The following EXT1 variants were observed in gnomAD, a reference collection of about 807,000 sequenced individuals.
The protein encoded by EXT1 is exostosin glycosyltransferase 1.
Under a neutral mutation model 82.5 loss-of-function variants are expected in EXT1, and 20 were observed. The ratio of observed to expected loss-of-function variants is 0.24; its 90% CI spans 0.17 to 0.35. EXT1 has a LOEUF of 0.35. Ranked by LOEUF, EXT1 falls within the 10% of genes least tolerant of loss-of-function variation. The probability of loss-of-function intolerance (pLI) is 1.00; values close to 1 mark genes in which losing one functional copy is unlikely to be tolerated. For missense variants in EXT1, 757 were observed against 936.5 expected (o/e 0.81, Z 2.50); for synonymous variants, 348 against 350.8 (o/e 0.99, Z 0.09).
At chr8:117,894,842 G>C (rs1029130195) in intron 1 of EXT1, among the ~76,000 whole-genome samples, 1 of 152,176 alleles carries the variant, frequency 6.6e-6, no homozygotes. Flanking sequence ...CTCCCTTCTC[G>C]CAATGTCCAG....
intron 1 of EXT1, among the ~76,000 whole-genome samples, chr8:117,949,633 T>C (rs1002139104): frequency 1.3e-5 from 2 of 151,682 alleles, no homozygotes; most frequent in African/African-American, 4.8e-5. Context: ...TAATTAGAGC[T>C]CAACTATTTC....
At position 117,927,622 on chromosome 8, in the gene EXT1, C is replaced by G. The variant is rs114482583; in HGVS notation, c.963-90421G>C. Among the ~76,000 whole-genome samples, 514 of 152,176 alleles carry G rather than the reference C, an allele frequency of 3.4e-3. 3 individuals carry two copies. The highest frequency in any genetic ancestry group is 0.011 in the African/African-American group (468 of 41,508). On this transcript the variant is annotated intron_variant, in intron 1 of 10. Transcript: ENST00000378204. ...AAAATAATAATCTTAGTCATAACAG[C>G]AAAAATAATAACACATTGTGAGACA...
chr8:118,005,453 C>A (rs1347634062), intron 1 of EXT1, among the ~76,000 whole-genome samples: 1 of 152,222 alleles, frequency 6.6e-6, no homozygotes, highest in African/African-American at 2.4e-5. Context: ...AATACCTATG[C>A]ACTATTTAGT....
rs749069079 is a variant in EXT1 at position 117,807,198 on chromosome 8, A to C, written c.1883+19T>G. 8.1e-6 allele frequency: 13 copies of C among 1,614,134 alleles called. No individual in the cohort carries two copies. Among genetic ancestry groups the C allele is most frequent in the Non-Finnish European group, 1.0e-5 (12 of 1,179,966 alleles). ...AAAAGCTATGTAAAGTCTGTAAGAG[A>C]CATGTCCAGATTCCTCACTTGTGGT... On this transcript the variant is annotated intron_variant, in intron 9 of 10. Coordinates refer to ENST00000378204, the MANE Select transcript of EXT1 (RefSeq NM_000127.3).
At chr8:118,010,085 T>C (rs773234603) in intron 1 of EXT1, among the ~76,000 whole-genome samples, 4 of 152,164 alleles carry the variant, frequency 2.6e-5, no homozygotes, top group Non-Finnish European at 5.9e-5. Context: ...GCAAGATGGA[T>C]GTTAGGACTT....
chr8:117,808,938 T>C (rs981903909), intron 8 of EXT1, among the ~76,000 whole-genome samples: 2 of 152,028 alleles, frequency 1.3e-5, no homozygotes, highest in African/African-American at 4.8e-5. Flanking sequence ...TCCTCCCCTT[T>C]TTCTTTTTGC....
intron 1 of EXT1, among the ~76,000 whole-genome samples, chr8:117,927,867 T>C (rs188016919): frequency 6.6e-6 from 1 of 152,212 alleles, no homozygotes; most frequent in Non-Finnish European, 1.5e-5. Flanking sequence ...TTGTGCTAGA[T>C]CCTGTAAATT....
chr8:118,025,228 C>T (rs1196606566), intron 1 of EXT1, among the ~76,000 whole-genome samples: 1 of 152,098 alleles, frequency 6.6e-6, no homozygotes, highest in Non-Finnish European at 1.5e-5. Flanking sequence ...AAAAACAAAA[C>T]TCTACAGATG....
chr8:117,856,552 C>G (rs1812564454), intron 1 of EXT1, among the ~76,000 whole-genome samples: 1 of 151,432 alleles, frequency 6.6e-6, no homozygotes, highest in East Asian at 1.9e-4. Flanking sequence ...AGGCGTGAGC[C>G]ACCGCGCCTG....
At chr8:117,891,228 T>C in intron 1 of EXT1, among the ~76,000 whole-genome samples, 1 of 152,208 alleles carries the variant, frequency 6.6e-6, no homozygotes, top group East Asian at 1.9e-4. Flanking sequence ...TAATCAAGAT[T>C]ACAATGAGGC....
intron 1 of EXT1, among the ~76,000 whole-genome samples, chr8:117,881,841 C>A (rs1182101931): frequency 1.3e-5 from 2 of 152,140 alleles, no homozygotes; most frequent in East Asian, 3.9e-4. Context: ...AACCACAAAA[C>A]CCACGCCCAT....
chr8:117,953,792 C>T (rs1814536423), intron 1 of EXT1, among the ~76,000 whole-genome samples: 1 of 151,992 alleles, frequency 6.6e-6, no homozygotes, highest in African/African-American at 2.4e-5. Context: ...CTCCTGTAGT[C>T]CCAGCTACTC....
In EXT1 at chr8:117,997,277, TATATACTTTATATATA is replaced by T. The variant is rs1290921061; in HGVS notation, c.962+112792_962+112807del. Among the ~76,000 whole-genome samples, 287 of 147,392 alleles carry T rather than the reference TATATACTTTATATATA, an allele frequency of 1.9e-3. 2 individuals are homozygous for T. Among genetic ancestry groups the T allele is most frequent in the African/African-American group, 6.6e-3 (267 of 40,470 alleles). On this transcript the variant is annotated intron_variant, in intron 1 of 10. Coordinates refer to ENST00000378204, the MANE Select transcript of EXT1 (RefSeq NM_000127.3). ...TATATATATATACACACTTTATATA[TATATACTTTATATATA>T]ATATACTTTATATATATATAATTTT... is the stretch of plus-strand genomic sequence containing the variant.
intron 1 of EXT1, among the ~76,000 whole-genome samples, chr8:117,981,970 C>T (rs753823575): frequency 1.1e-4 from 16 of 152,124 alleles, no homozygotes; most frequent in Non-Finnish European, 1.8e-4. Flanking sequence ...TCATTTTTTA[C>T]AGTTTAGATT....
At chr8:117,946,644 G>C (rs7823796) in intron 1 of EXT1, among the ~76,000 whole-genome samples, 1 of 152,168 alleles carries the variant, frequency 6.6e-6, no homozygotes. Flanking sequence ...TCCTATACAC[G>C]AGGACCAGTC....
intron 1 of EXT1, among the ~76,000 whole-genome samples, chr8:118,079,862 A>G (rs1452091375): frequency 6.6e-6 from 1 of 152,230 alleles, no homozygotes; most frequent in African/African-American, 2.4e-5. Flanking sequence ...TTACTTGGAA[A>G]TAAGAAATAA....
intron 1 of EXT1, among the ~76,000 whole-genome samples, chr8:118,106,077 G>C (rs1817799063): frequency 6.6e-6 from 1 of 152,192 alleles, no homozygotes; most frequent in Admixed American, 6.5e-5. Flanking sequence ...AACTCCCAGA[G>C]CAAGAGTTTG....
intron 1 of EXT1, among the ~76,000 whole-genome samples, chr8:118,034,687 T>G (rs1230190337): frequency 1.3e-5 from 2 of 152,202 alleles, no homozygotes; most frequent in Admixed American, 1.3e-4. Context: ...TCTACTTTCC[T>G]GATATGGTCT....
chr8:117,968,571 T>A (rs1814875285), intron 1 of EXT1, among the ~76,000 whole-genome samples: 1 of 11,642 alleles, frequency 8.6e-5, no homozygotes, highest in East Asian at 1.8e-3. Flanking sequence ...TTTTTTTTTT[T>A]TTTTTTTTTT....
Sources: allele counts gnomAD v4.1 joint callset (sites outside exome capture counted in the v4.1 genomes callset), GRCh38; gene constraint gnomAD v4.1.1; transcripts MANE v1.5; gene names NCBI Gene and HGNC (gene_info 2026-07-23, HGNC 2026-07-21).